The following RNF180 variants were observed in gnomAD, a reference collection of about 807,000 sequenced individuals.
RNF180 encodes the protein ring finger protein 180, also known as E3 ubiquitin-protein ligase RNF180.
In RNF180, 38 loss-of-function variants were observed where a neutral mutation model predicts 59.2. The ratio of observed to expected loss-of-function variants is 0.64; its 90% CI spans 0.50 to 0.84. The LOEUF (loss-of-function observed/expected upper bound fraction) is 0.84. Among genes scored for constraint, RNF180 ranks in the 40% least tolerant of loss-of-function variants. The pLI is 0.00. For synonymous variants in RNF180, 262 were observed against 240.3 expected, an observed-to-expected ratio of 1.09 and a Z score of -0.84; for missense variants, 705 against 700.9, an observed-to-expected ratio of 1.01 and a Z score of -0.07.
intron 1 of RNF180, among the ~76,000 whole-genome samples, chr5:64,175,909 C>G (rs1391911663): frequency 6.6e-6 from 1 of 152,076 alleles, no homozygotes; most frequent in Non-Finnish European, 1.5e-5. Context: ...AGATAATTCT[C>G]TATTGGCACA....
At chr5:64,365,780 A>G (rs914526651) in intron 7 of RNF180, among the ~76,000 whole-genome samples, 8 of 151,252 alleles carry the variant, frequency 5.3e-5, no homozygotes, top group African/African-American at 1.9e-4. Context: ...TCTTTGTGAA[A>G]CTATGATTGC....
At position 64,325,269 on chromosome 5, in the gene RNF180, C is replaced by CGTTTATTTCAACCCTTATATGT; in HGVS notation, c.1315_1336dup (p.Tyr446LeufsTer16). ...GCTACATCTGTGCAGTGTGTCTGGA[C>CGTTTATTTCAACCCTTATATGT]GTTTATTTCAACCCTTATATGTGTT... On this transcript the variant is annotated frameshift_variant, in exon 6 of 8. Transcript: ENST00000389100. LOFTEE classifies it high-confidence loss of function. 1 of 1,551,242 alleles carries CGTTTATTTCAACCCTTATATGT rather than the reference C, an allele frequency of 6.4e-7. No homozygotes were observed. Among genetic ancestry groups the CGTTTATTTCAACCCTTATATGT allele is most frequent in the Non-Finnish European group, 8.7e-7 (1 of 1,146,610 alleles).
At chr5:64,298,037 A>G (rs568603593) in intron 5 of RNF180, among the ~76,000 whole-genome samples, 5 of 151,870 alleles carry the variant, frequency 3.3e-5, no homozygotes, top group African/African-American at 1.2e-4. Context: ...ATTTTTCCTG[A>G]TCTTCTCCCT....
At chr5:64,318,144 C>T (rs1269156070) in intron 5 of RNF180, among the ~76,000 whole-genome samples, 1 of 152,034 alleles carries the variant, frequency 6.6e-6, no homozygotes, top group African/African-American at 2.4e-5. Flanking sequence ...ATGTTTTTTT[C>T]TATATATACA....
intron 5 of RNF180, among the ~76,000 whole-genome samples, chr5:64,244,698 A>G (rs1321889303): frequency 6.6e-6 from 1 of 152,214 alleles, no homozygotes; most frequent in Non-Finnish European, 1.5e-5. Flanking sequence ...TCCCCAACCT[A>G]GCAAGACAGG....
At chr5:64,357,111 AG>A (rs557381467) in intron 7 of RNF180, among the ~76,000 whole-genome samples, 118 of 152,056 alleles carry the variant, frequency 7.8e-4, no homozygotes, top group African/African-American at 2.8e-3. Context: ...AAATTTAAGC[AG>A]ATGTTATAAG....
At position 64,214,493 on chromosome 5, in the gene RNF180, G is replaced by A; in HGVS notation, c.1167G>A (p.Arg389=). ...AGAATCTAAGAAGGAAACAACGAAG[G>A]CGTGAAAGATGGCTACAGAAGCAGG... ...KLKNLRRKQR[R]RERWLQKQGK... Residue 389 remains arginine (R), a synonymous_variant, in exon 4 of 8, where the codon AGG becomes AGA. Transcript: ENST00000389100. 1 of 1,613,372 alleles carries A rather than the reference G, an allele frequency of 6.2e-7. No individual in the cohort carries two copies. The highest frequency in any genetic ancestry group is 8.5e-7 in the Non-Finnish European group (1 of 1,179,472).
intron 5 of RNF180, among the ~76,000 whole-genome samples, chr5:64,307,381 A>G (rs961882809): frequency 2.0e-5 from 3 of 151,574 alleles, no homozygotes; most frequent in Non-Finnish European, 4.4e-5. Context: ...TTGATTCCAA[A>G]TGTATAATAG....
chr5:64,314,834 C>G (rs1398545030), intron 5 of RNF180, among the ~76,000 whole-genome samples: 2 of 152,090 alleles, frequency 1.3e-5, no homozygotes, highest in African/African-American at 4.8e-5. Flanking sequence ...GAAAATCTAG[C>G]TAGACATGCA....
intron 5 of RNF180, among the ~76,000 whole-genome samples, chr5:64,232,717 A>G (rs904003140): frequency 2.0e-5 from 3 of 152,248 alleles, no homozygotes; most frequent in Admixed American, 1.3e-4. Context: ...GGCAATAATG[A>G]TAGATAATAA....
intron 5 of RNF180, among the ~76,000 whole-genome samples, chr5:64,247,805 A>G (rs1428322374): frequency 6.6e-6 from 1 of 152,206 alleles, no homozygotes; most frequent in African/African-American, 2.4e-5. Flanking sequence ...ATCCAAGACA[A>G]TCCTAAGCGA....
At chr5:64,323,032 G>C (rs548935179) in intron 5 of RNF180, among the ~76,000 whole-genome samples, 4 of 152,214 alleles carry the variant, frequency 2.6e-5, no homozygotes, top group Non-Finnish European at 1.5e-5. Flanking sequence ...AAAAAGCATT[G>C]TTAAATAAGC....
At chr5:64,365,666 G>T (rs1349689878) in intron 7 of RNF180, among the ~76,000 whole-genome samples, 1 of 151,680 alleles carries the variant, frequency 6.6e-6, no homozygotes, top group Non-Finnish European at 1.5e-5. Flanking sequence ...GGGTGCTCTT[G>T]TGTTGGGTGC....
intron 5 of RNF180, among the ~76,000 whole-genome samples, chr5:64,295,325 A>G (rs1044918356): frequency 1.3e-5 from 2 of 152,168 alleles, no homozygotes; most frequent in Admixed American, 1.3e-4. Flanking sequence ...CTCTGTTGCC[A>G]CTGAAGCATG....
intron 1 of RNF180, among the ~76,000 whole-genome samples, chr5:64,175,865 T>C (rs780826470): frequency 6.6e-6 from 1 of 152,214 alleles, no homozygotes; most frequent in African/African-American, 2.4e-5. Flanking sequence ...TTTGTAGTTA[T>C]TGCAAATGAG....
At chr5:64,175,962 A>C (rs1274922273) in intron 1 of RNF180, among the ~76,000 whole-genome samples, 1 of 152,158 alleles carries the variant, frequency 6.6e-6, no homozygotes, top group East Asian at 1.9e-4. Flanking sequence ...GTATCTTACA[A>C]CTTTACTGAA....
chr5:64,192,454 G>A (rs1579967034), intron 1 of RNF180, among the ~76,000 whole-genome samples: 1 of 151,954 alleles, frequency 6.6e-6, no homozygotes, highest in Non-Finnish European at 1.5e-5. Flanking sequence ...CTGGCGGATC[G>A]TGAGGTCAGG....
chr5:64,316,284 A>AATC (rs1176495515), intron 5 of RNF180, among the ~76,000 whole-genome samples: 4 of 152,168 alleles, frequency 2.6e-5, no homozygotes, highest in Non-Finnish European at 5.9e-5. Flanking sequence ...GGAGTCTGTG[A>AATC]ATCACACTTA....
chr5:64,285,946 G>C (rs866547564), intron 5 of RNF180, among the ~76,000 whole-genome samples: 1 of 152,042 alleles, frequency 6.6e-6, no homozygotes, highest in African/African-American at 2.4e-5. Context: ...TGTAGGGGTC[G>C]TAGGGTCTCC....
Sources: gnomAD v4.1 joint callset for allele counts (sites outside exome capture counted in the v4.1 genomes callset) on GRCh38, gnomAD v4.1.1 for gene constraint, MANE v1.5 for transcripts, NCBI Gene and HGNC (gene_info 2026-07-23, HGNC 2026-07-21) for gene names.